CCT6B: variants seen among roughly 807,000 people sequenced by gnomAD.
The protein encoded by CCT6B is probable T-complex protein 1 subunit zeta-2.
CCT6B carries 49 observed loss-of-function variants against 61.5 expected under a neutral mutation model. The observed-to-expected ratio is 0.80, with a 90% CI of 0.63 to 1.01. CCT6B has a LOEUF of 1.01. Among genes scored for constraint, CCT6B ranks in the 50% least tolerant of loss-of-function variants. The pLI is 0.00. For missense variants in CCT6B, 666 were observed against 634.7 expected (o/e 1.05, Z -0.53); for synonymous variants, 228 against 214.5 (o/e 1.06, Z -0.55).
chr17:34,930,691 C>T (rs1427235046), intron 12 of CCT6B, among the ~76,000 whole-genome samples: 1 of 152,166 alleles, frequency 6.6e-6, no homozygotes, highest in African/African-American at 2.4e-5. Context: ...TTACTGCCTA[C>T]CTTCTCCCAC....
intron 10 of CCT6B, among the ~76,000 whole-genome samples, chr17:34,938,970 G>A (rs769969151): frequency 2.0e-5 from 3 of 152,090 alleles, no homozygotes; most frequent in Non-Finnish European, 4.4e-5. Context: ...TGTAATCCCA[G>A]CTACTTGGGA....
rs9635769 is a variant in CCT6B, at chr17:34,961,344, C to T, written c.50G>A (p.Arg17Gln). 913,368 of 1,611,608 alleles carry T rather than the reference C, an allele frequency of 0.57. 263,491 individuals carry two copies. The highest frequency in any genetic ancestry group is 0.8 in the East Asian group (35,846 of 44,848). The change falls in exon 1 of 14, where the codon CGG (arginine) becomes CAG (glutamine). Residue 17 changes from arginine to glutamine, a missense_variant. By Grantham distance (43) the Arg-to-Gln change is conservative (BLOSUM62 1). Coordinates refer to ENST00000314144, the MANE Select transcript of CCT6B (RefSeq NM_006584.4). ...GCATATATTGACAGCCAAAGCTGCC[C>T]GGGCCCGCGCCACCTCAGCCTTGGA... is the stretch of plus-strand genomic sequence containing the variant. The part of the protein sequence containing the change: ...VNSKAEVARA[R>Q]AALAVNICAA...
At chr17:34,944,648 C>T (rs1416364344) in intron 5 of CCT6B, among the ~76,000 whole-genome samples, 2 of 152,218 alleles carry the variant, frequency 1.3e-5, no homozygotes. Flanking sequence ...GTTTTCCAGC[C>T]AGGCGCGGCG....
chr17:34,957,838 C>G (rs1035116039), intron 3 of CCT6B, among the ~76,000 whole-genome samples: 7 of 151,966 alleles, frequency 4.6e-5, no homozygotes, highest in Admixed American at 4.6e-4. Context: ...GGCCAGTGAA[C>G]GGAGGAGTCT....
intron 5 of CCT6B, among the ~76,000 whole-genome samples, chr17:34,948,798 C>A (rs555239413): frequency 6.6e-6 from 1 of 151,712 alleles, no homozygotes; most frequent in South Asian, 2.1e-4. Flanking sequence ...CTTTGGGAGG[C>A]CAAGCAGGTG....
intron 5 of CCT6B, among the ~76,000 whole-genome samples, chr17:34,947,771 C>T (rs1199756995): frequency 3.3e-5 from 5 of 152,068 alleles, no homozygotes; most frequent in South Asian, 4.2e-4. Context: ...TGCTTGATGT[C>T]AGGAGTTCAA....
chr17:34,941,199 C>T (rs1329995737), intron 7 of CCT6B, among the ~76,000 whole-genome samples: 1 of 152,152 alleles, frequency 6.6e-6, no homozygotes, highest in East Asian at 1.9e-4. Context: ...CATACTATCT[C>T]ACATTAAAAC....
chr17:34,946,620 G>C (rs1033240017), intron 5 of CCT6B, among the ~76,000 whole-genome samples: 1 of 152,098 alleles, frequency 6.6e-6, no homozygotes, highest in African/African-American at 2.4e-5. Flanking sequence ...GTTTATAGCA[G>C]CACTATTAAT....
intron 13 of CCT6B, 120 bp downstream of exon 13, chr17:34,928,842 C>A: frequency 1.8e-6 from 1 of 566,804 alleles, no homozygotes; most frequent in Non-Finnish European, 3.2e-6. Flanking sequence ...GAATACCACA[C>A]CTTTCATACA....
intron 1 of CCT6B, 152 bp downstream of exon 1, chr17:34,961,105 C>G (rs924876475): frequency 2.0e-6 from 2 of 1,012,412 alleles, no homozygotes; most frequent in Admixed American, 3.4e-5. Flanking sequence ...TCCACCTGCA[C>G]CAGGCGAGAA....
chr17:34,943,653 T>C lies in CCT6B; in HGVS notation c.615-747A>G, dbSNP rs1037595701. On this transcript the variant is annotated intron_variant, in intron 5 of 13. Transcript: ENST00000314144. ...CGGGGAGGGATAGCATTAGGAGATATACCTAATGTTAAATGATGAGTTAAT... is the reference window on the plus strand; with the variant it reads ...CGGGGAGGGATAGCATTAGGAGATACACCTAATGTTAAATGATGAGTTAAT... 2.2e-4 allele frequency: 34 copies of C among 152,014 alleles called. 1 individual carries two copies. Among genetic ancestry groups the C allele is most frequent in the African/African-American group, 8.0e-4 (33 of 41,378 alleles). 9.4% of individuals were successfully genotyped at this position (152,014 alleles called of 1,614,324 possible).
chr17:34,936,932 C>T (rs1477436404), intron 10 of CCT6B, among the ~76,000 whole-genome samples: 1 of 151,982 alleles, frequency 6.6e-6, no homozygotes, highest in Non-Finnish European at 1.5e-5. Context: ...GCGGGAGGAT[C>T]GCTTGAGCCC....
intron 3 of CCT6B, among the ~76,000 whole-genome samples, chr17:34,956,784 CCTCT>C (rs1002958128): frequency 6.6e-6 from 1 of 151,868 alleles, no homozygotes; most frequent in Non-Finnish European, 1.5e-5. Flanking sequence ...TCTCCTCTGT[CCTCT>C]CTCTCCTCTC....
At chr17:34,928,508 G>A (rs1030286080) in intron 13 of CCT6B, among the ~76,000 whole-genome samples, 2 of 152,048 alleles carry the variant, frequency 1.3e-5, no homozygotes, top group Admixed American at 6.6e-5. Flanking sequence ...CCTGACCTTA[G>A]GTGATTCACC....
intron 5 of CCT6B, among the ~76,000 whole-genome samples, chr17:34,945,531 C>T (rs1299711033): frequency 6.6e-6 from 1 of 152,176 alleles, no homozygotes; most frequent in Non-Finnish European, 1.5e-5. Context: ...TCAACAAATC[C>T]TATTGCCCTT....
chr17:34,953,339 A>ATTT (rs1203370965), intron 4 of CCT6B, among the ~76,000 whole-genome samples: 2 of 142,132 alleles, frequency 1.4e-5, no homozygotes, highest in African/African-American at 5.1e-5. Flanking sequence ...ATATATATAT[A>ATTT]TATTTTTTTG....
intron 11 of CCT6B, among the ~76,000 whole-genome samples, chr17:34,931,305 C>T (rs1281628026): frequency 6.6e-6 from 1 of 151,942 alleles, no homozygotes; most frequent in African/African-American, 2.4e-5. Context: ...CCATTTTTAC[C>T]CTACTACATT....
intron 5 of CCT6B, among the ~76,000 whole-genome samples, chr17:34,945,605 T>C (rs1056962947): frequency 2.0e-5 from 3 of 152,208 alleles, no homozygotes; most frequent in African/African-American, 7.2e-5. Context: ...CCAACATTCC[T>C]AACTGGTCTC....
intron 8 of CCT6B, 52 bp from the exon 9 acceptor site, chr17:34,939,765 A>G (rs757582558): frequency 3.6e-6 from 4 of 1,096,178 alleles, no homozygotes; most frequent in Non-Finnish European, 5.6e-6. Flanking sequence ...CATTAATACT[A>G]ATTTCTCAGA....
Sources: gnomAD v4.1 joint callset for allele counts (sites outside exome capture counted in the v4.1 genomes callset) on GRCh38, gnomAD v4.1.1 for gene constraint, MANE v1.5 for transcripts, NCBI Gene and HGNC (gene_info 2026-07-23, HGNC 2026-07-21) for gene names.